The following CNGA1 variants were observed in gnomAD, a reference collection of about 807,000 sequenced individuals.
CNGA1 encodes the protein cyclic nucleotide-gated channel alpha-1.
CNGA1 carries 53 observed loss-of-function variants against 69.7 expected under a neutral mutation model. The observed-to-expected ratio is 0.76, with a 90% CI of 0.61 to 0.96. The LOEUF (loss-of-function observed/expected upper bound fraction) is 0.96, where lower values mean the gene tolerates loss of function less well. CNGA1 is among the 40% of genes least tolerant of loss of function. CNGA1 has a pLI of 0.00. For synonymous variants in CNGA1, 249 were observed against 283.5 expected, an observed-to-expected ratio of 0.88 and a Z score of 1.22; for missense variants, 739 against 811.2, an observed-to-expected ratio of 0.91 and a Z score of 1.08.
chr4:47,978,601 G>T (rs1485679221), intron 3 of CNGA1, among the ~76,000 whole-genome samples: 1 of 151,644 alleles, frequency 6.6e-6, no homozygotes, highest in Non-Finnish European at 1.5e-5. Flanking sequence ...GATCCATTTG[G>T]GTTTTCTGGA....
At chr4:47,998,830 C>A (rs1384033785) in intron 2 of CNGA1, among the ~76,000 whole-genome samples, 1 of 152,088 alleles carries the variant, frequency 6.6e-6, no homozygotes, top group African/African-American at 2.4e-5. Context: ...AGCCACACTT[C>A]AATAGCAGGG....
chr4:47,963,508 G>A (rs749329489), intron 3 of CNGA1, among the ~76,000 whole-genome samples: 1 of 152,166 alleles, frequency 6.6e-6, no homozygotes, highest in Non-Finnish European at 1.5e-5. Flanking sequence ...GGACAACTTT[G>A]TTCTTTAGGA....
intron 2 of CNGA1, among the ~76,000 whole-genome samples, chr4:47,987,919 G>C (rs1578115482): frequency 6.6e-6 from 1 of 152,112 alleles, no homozygotes; most frequent in African/African-American, 2.4e-5. Context: ...GAAAAGCAGA[G>C]AAGCCACTGT....
At position 47,951,436 on chromosome 4, in the gene CNGA1, T is replaced by C; in HGVS notation, c.141A>G (p.Thr47=). 19 of 1,613,520 alleles carry C rather than the reference T, an allele frequency of 1.2e-5. No homozygotes were observed. Among genetic ancestry groups the C allele is most frequent in the Non-Finnish European group, 1.2e-5 (14 of 1,179,490 alleles). ...GGTTTTCATTCTCTGATTCTTCAGATGTAGAGGCACTGTCATCATCCTCAG... is the reference window on the plus strand; with the variant it reads ...GGTTTTCATTCTCTGATTCTTCAGACGTAGAGGCACTGTCATCATCCTCAG... The part of the protein sequence containing the change: ...SFSEDDDSAS[T]SEESENENPH... Residue 47 remains threonine, a synonymous_variant, in exon 5 of 11, where the codon ACA becomes ACG. Coordinates refer to ENST00000514170, the MANE Select transcript of CNGA1 (RefSeq NM_001379270.1).
At chr4:47,996,282 T>C (rs1335837092) in intron 2 of CNGA1, among the ~76,000 whole-genome samples, 1 of 152,192 alleles carries the variant, frequency 6.6e-6, no homozygotes, top group African/African-American at 2.4e-5. Context: ...CCTCAGAGAC[T>C]TGCAACTGAT....
At chr4:47,982,811 A>G (rs1239553374) in intron 2 of CNGA1, among the ~76,000 whole-genome samples, 1 of 151,984 alleles carries the variant, frequency 6.6e-6, no homozygotes, top group African/African-American at 2.4e-5. Context: ...CAAAATGAAC[A>G]TTCTTTTTTT....
At chr4:48,011,412 T>C (rs935261094) in intron 1 of CNGA1, among the ~76,000 whole-genome samples, 4 of 150,388 alleles carry the variant, frequency 2.7e-5, no homozygotes, top group African/African-American at 9.8e-5. Flanking sequence ...CATGCACACA[T>C]ACACACACAC....
intron 2 of CNGA1, among the ~76,000 whole-genome samples, chr4:47,992,653 A>ATTT (rs1560309625): frequency 8.9e-6 from 1 of 112,714 alleles, no homozygotes; most frequent in Admixed American, 1.0e-4. Flanking sequence ...TTTGGATGCC[A>ATTT]TTTATTATTT....
intron 3 of CNGA1, among the ~76,000 whole-genome samples, chr4:47,976,160 TATATATATATACACATAC>T (rs2110207188): frequency 3.0e-5 from 2 of 66,842 alleles, no homozygotes; most frequent in Non-Finnish European, 5.9e-5. Context: ...TATATATATA[TATATATATATACACATAC>T]ATATATATAT....
Position 47,940,856 on chromosome 4 carries a change from C to A in CNGA1, c.559G>T (p.Glu187Ter). ...TMVIARACFDELQSDYLEYWL... is the reference protein window; with the variant it reads ...TMVIARACFD The stretch of plus-strand genomic sequence containing the variant: ...TATTCTAGGTAATCAGATTGAAGTT[C>A]ATCAAAACATGCTCTATAAAAAAAG... Residue 187 changes from glutamate to a stop codon, truncating the protein, a stop_gained, in exon 10 of 11, where the codon GAA becomes TAA. Transcript: ENST00000514170. LOFTEE classifies it high-confidence loss of function. 6.2e-7 allele frequency: 1 copy of A among 1,605,434 alleles called. No homozygotes were observed. Among genetic ancestry groups the A allele is most frequent in the Non-Finnish European group, 8.5e-7 (1 of 1,172,774 alleles).
At chr4:47,965,127 C>A (rs1740650401) in intron 3 of CNGA1, among the ~76,000 whole-genome samples, 1 of 152,038 alleles carries the variant, frequency 6.6e-6, no homozygotes, top group Middle Eastern at 3.2e-3. Context: ...TGTTGATATT[C>A]TGTTATAACT....
intron 2 of CNGA1, among the ~76,000 whole-genome samples, chr4:47,984,257 C>A (rs890052383): frequency 3.9e-5 from 6 of 152,040 alleles, no homozygotes; most frequent in African/African-American, 1.4e-4. Context: ...ACCTGTAAAC[C>A]CCTTAGCACT....
intron 3 of CNGA1, among the ~76,000 whole-genome samples, chr4:47,975,425 A>G (rs1210993369): frequency 1.3e-5 from 2 of 152,190 alleles, no homozygotes; most frequent in African/African-American, 4.8e-5. Flanking sequence ...TTCACAATTC[A>G]CAGAAAATGT....
intron 1 of CNGA1, among the ~76,000 whole-genome samples, chr4:48,015,110 G>A (rs1715324504): frequency 1.3e-5 from 2 of 152,220 alleles, no homozygotes; most frequent in South Asian, 2.1e-4. Context: ...CCCAGGAGGC[G>A]GAGCTTGCAG....
Position 47,943,164 on chromosome 4 carries a change from C to T in CNGA1, c.437+17G>A, listed in dbSNP as rs1413957741. 2.0e-6 allele frequency: 3 copies of T among 1,531,354 alleles called. No homozygotes were observed. Among genetic ancestry groups the T allele is most frequent in the Admixed American group, 1.7e-5 (1 of 59,654 alleles). 94.9% of individuals were successfully genotyped at this position (1,531,354 alleles called of 1,614,324 possible). On this transcript the variant is annotated intron_variant, in intron 8 of 10. Coordinates refer to ENST00000514170, the MANE Select transcript of CNGA1 (RefSeq NM_001379270.1). ...ATCACAATTTCCTTCTATTTCAATG[C>T]CACTAAAAGTGCTTACTCTTCTTTC...
chr4:47,962,152 T>C (rs1354475705), intron 3 of CNGA1, among the ~76,000 whole-genome samples: 4 of 152,122 alleles, frequency 2.6e-5, no homozygotes, highest in Admixed American at 2.6e-4. Context: ...GAGACCATCC[T>C]GGCCAACATA....
intron 10 of CNGA1, among the ~76,000 whole-genome samples, chr4:47,939,971 G>A (rs1270123802): frequency 1.3e-5 from 2 of 152,136 alleles, no homozygotes; most frequent in African/African-American, 4.8e-5. Flanking sequence ...AAGCATAAGT[G>A]TCCTTTGAGG....
At chr4:47,979,985 T>C (rs1315556208) in intron 3 of CNGA1, among the ~76,000 whole-genome samples, 3 of 152,248 alleles carry the variant, frequency 2.0e-5, no homozygotes, top group Non-Finnish European at 4.4e-5. Context: ...GTGGCCTGTA[T>C]AGTTTTTTGC....
At chr4:47,953,897 CTTATG>C in intron 3 of CNGA1, among the ~76,000 whole-genome samples, 1 of 61,964 alleles carries the variant, frequency 1.6e-5, no homozygotes. Context: ...ACACTCGGGC[CTTATG>C]CCCTCGGACC....
Sources: allele counts gnomAD v4.1 joint callset (sites outside exome capture counted in the v4.1 genomes callset), GRCh38; gene constraint gnomAD v4.1.1; transcripts MANE v1.5; gene names NCBI Gene and HGNC (gene_info 2026-07-23, HGNC 2026-07-21).